PKD2L1: variants seen among roughly 807,000 people sequenced by gnomAD.
PKD2L1 encodes polycystin 2 like 1, transient receptor potential cation channel, also known as polycystin-2-like protein 1.
In PKD2L1, 77 loss-of-function variants were observed where a neutral mutation model predicts 93.0. That is an observed-to-expected ratio of 0.83 (90% CI 0.69 to 1.00). PKD2L1 has a LOEUF of 1.00. Ranked by LOEUF, PKD2L1 falls within the 50% of genes least tolerant of loss-of-function variation. PKD2L1 has a pLI of 0.00. For missense variants in PKD2L1, 977 were observed against 990.9 expected (o/e 0.99, Z 0.19); for synonymous variants, 390 against 388.0 (o/e 1.01, Z -0.06).
chr10:100,288,885 A>G, intron 15 of PKD2L1, 87 bp downstream of exon 15: 1 of 792,040 alleles, frequency 1.3e-6, no homozygotes. Context: ...CTGTTGTCCT[A>G]GAAGTGCAGG....
At chr10:100,321,671 GAAAGAAAGAAAGAA>G (rs1849233021) in intron 2 of PKD2L1, among the ~76,000 whole-genome samples, 7 of 790 alleles carry the variant, frequency 8.9e-3, no homozygotes, top group African/African-American at 0.018. Flanking sequence ...AGAAAAGAAA[GAAAGAAAGAAAGAA>G]AGAAAGAAAG....
intron 2 of PKD2L1, among the ~76,000 whole-genome samples, chr10:100,314,986 GGAAGGAAGGAAGGAAGGAA>G (rs1849046598): frequency 1.4e-4 from 2 of 14,516 alleles, no homozygotes; most frequent in Non-Finnish European, 2.3e-4. Flanking sequence ...AAGGAAGGAA[GGAAGGAAGGAAGGAAGGAA>G]GGAAGGAAGG....
At chr10:100,298,498 C>A in intron 4 of PKD2L1, 64 bp downstream of exon 4, 1 of 1,556,062 alleles carries the variant, frequency 6.4e-7, no homozygotes. Context: ...GGTTCCCAGA[C>A]CTTGGGATGG....
Position 100,293,310 on chromosome 10 carries a change from C to A in PKD2L1, c.1729G>T (p.Glu577Ter). The change falls in exon 10 of 16, where the codon GAG becomes TAG. Residue 577 changes from glutamate to a stop codon, truncating the protein, a stop_gained. Coordinates refer to ENST00000318222, the MANE Select transcript of PKD2L1 (RefSeq NM_016112.3). LOFTEE classifies it high-confidence loss of function. ...VKEELAGQKDELQLSDLLKQG... is the reference protein window; with the variant it reads ...VKEELAGQKD ...TTCAGGAGGTCAGAAAGTTGCAGCT[C>A]ATCCTTCTGTCCAGCCAGCTCCTCC... The A allele has an allele frequency of 6.2e-7, 1 of 1,613,172 alleles. No homozygotes were observed. Among genetic ancestry groups the A allele is most frequent in the Non-Finnish European group, 8.5e-7 (1 of 1,179,104 alleles).
rs1255544031 is a variant in PKD2L1, at chr10:100,293,271, G to A, written c.1758+10C>T. The A allele has an allele frequency of 3.8e-6, 6 of 1,595,762 alleles. No individual in the cohort carries two copies. Among genetic ancestry groups the A allele is most frequent in the Non-Finnish European group, 4.3e-6 (5 of 1,163,322 alleles). On this transcript the variant is annotated intron_variant, in intron 10 of 15. Coordinates refer to ENST00000318222, the MANE Select transcript of PKD2L1 (RefSeq NM_016112.3). ...TGGAAATGTGTAGCTCAAGGAGATT[G>A]AGCAATCACCTGTTTCAGGAGGTCA...
At position 100,288,154 on chromosome 10, in the gene PKD2L1, C is replaced by A; in HGVS notation, c.*242G>T. ...AAGCAAATGCAAAGTCCAAGTTTTC[C>A]TAAGGAGTTTTATTGATAGCCACCA... On this transcript the variant is annotated 3_prime_UTR_variant, in exon 16 of 16. Coordinates refer to ENST00000318222, the MANE Select transcript of PKD2L1 (RefSeq NM_016112.3). 1 of 455,704 alleles carries A rather than the reference C, an allele frequency of 2.2e-6. No homozygotes were observed. The highest frequency in any genetic ancestry group is 3.4e-5 in the South Asian group (1 of 29,500). 28.2% of individuals were successfully genotyped at this position (455,704 alleles called of 1,614,324 possible).
chr10:100,290,502 C>T lies in PKD2L1; in HGVS notation c.2025G>A (p.Glu675=). The T allele has an allele frequency of 6.2e-7, 1 of 1,612,742 alleles. No homozygotes were observed. The highest frequency in any genetic ancestry group is 8.5e-7 in the Non-Finnish European group (1 of 1,179,572). The change falls in exon 13 of 16, where the codon GAG becomes GAA. Residue 675 remains glutamate, a synonymous_variant. Transcript: ENST00000318222. The part of the protein sequence containing the change: ...LEEERVALNT[E]IEKLGRSIVS... Reference sequence around the variant, plus strand: ...CAATAGATCGGCCTAGTTTCTCAATCTCAGTGTTGAGGGCCACCTGCTCAG... The same window carrying T: ...CAATAGATCGGCCTAGTTTCTCAATTTCAGTGTTGAGGGCCACCTGCTCAG...
chr10:100,301,463 C>CG (rs1491223984), intron 2 of PKD2L1, among the ~76,000 whole-genome samples: 1 of 150,774 alleles, frequency 6.6e-6, no homozygotes, highest in East Asian at 2.0e-4. Flanking sequence ...GGCCCCCCCC[C>CG]CGGGAATGCA....
At chr10:100,308,546 G>C (rs1041428272) in intron 2 of PKD2L1, among the ~76,000 whole-genome samples, 1 of 152,052 alleles carries the variant, frequency 6.6e-6, no homozygotes, top group Non-Finnish European at 1.5e-5. Flanking sequence ...TGTTGACCAG[G>C]CTAGTCTCGA....
At chr10:100,291,674 T>A (rs899819240) in intron 11 of PKD2L1, among the ~76,000 whole-genome samples, 2 of 152,188 alleles carry the variant, frequency 1.3e-5, no homozygotes, top group Non-Finnish European at 2.9e-5. Context: ...AAAATCTGTT[T>A]GCCTCTAAAT....
At chr10:100,308,171 G>T (rs1229617791) in intron 2 of PKD2L1, among the ~76,000 whole-genome samples, 1 of 151,664 alleles carries the variant, frequency 6.6e-6, no homozygotes, top group Non-Finnish European at 1.5e-5. Context: ...TCTTAATCTT[G>T]TTCTCAGATC....
Position 100,288,408 on chromosome 10 carries a change from C to A in PKD2L1, c.2406G>T (p.Leu802Phe). ...GAGTGCCTCACACTTAACTCCTCTGCAACGTTGGAATCTCACCACGGGAGA... is the reference window on the plus strand; with the variant it reads ...GAGTGCCTCACACTTAACTCCTCTGAAACGTTGGAATCTCACCACGGGAGA... ...RRLSRGEIPT[L>F]QRS Residue 802 changes from leucine (L) to phenylalanine (F), a missense_variant, in exon 16 of 16, where the codon TTG becomes TTT. Transcript: ENST00000318222. 3.1e-6 allele frequency: 5 copies of A among 1,610,034 alleles called. No individual in the cohort carries two copies. Among genetic ancestry groups the A allele is most frequent in the Non-Finnish European group, 4.3e-6 (5 of 1,176,254 alleles).
Position 100,299,731 on chromosome 10 carries a change from C to T in PKD2L1, c.350-13G>A, listed in dbSNP as rs1848637271. 1.2e-6 allele frequency: 2 copies of T among 1,612,740 alleles called. No homozygotes were observed. Among genetic ancestry groups the T allele is most frequent in the African/African-American group, 1.3e-5 (1 of 74,894 alleles). On this transcript the variant is annotated splice_polypyrimidine_tract_variant and intron_variant, in intron 2 of 15. Coordinates refer to ENST00000318222, the MANE Select transcript of PKD2L1 (RefSeq NM_016112.3). ...ATTCCATAGGTCACTAGAAAACAAC[C>T]CAAGAGGCTATGTCCTTCTCACTGT...
chr10:100,301,465 G>A (rs767926738), intron 2 of PKD2L1, among the ~76,000 whole-genome samples: 4 of 102,654 alleles, frequency 3.9e-5, no homozygotes, highest in East Asian at 3.8e-4. Context: ...CCCCCCCCCC[G>A]GGAATGCATT....
intron 14 of PKD2L1, 91 bp from the exon 15 acceptor site, chr10:100,289,147 T>C: frequency 1.2e-6 from 1 of 835,946 alleles, no homozygotes; most frequent in Non-Finnish European, 1.9e-6. Flanking sequence ...GAACTCAGAC[T>C]GCTATAGACT....
At chr10:100,305,941 G>C (rs974486410) in intron 2 of PKD2L1, among the ~76,000 whole-genome samples, 5 of 152,084 alleles carry the variant, frequency 3.3e-5, no homozygotes, top group Admixed American at 2.0e-4. Flanking sequence ...CCAGCACTTT[G>C]AGAGGCTGAT....
intron 2 of PKD2L1, among the ~76,000 whole-genome samples, chr10:100,302,696 A>C (rs200334162): frequency 0.31 from 47,327 of 150,682 alleles, 8,883 homozygotes; most frequent in East Asian, 0.51. Context: ...TGTCCCCCAA[A>C]AAAAAAAAAA....
At chr10:100,288,589 C>G (rs905833401) in intron 15 of PKD2L1, 111 bp from the exon 16 acceptor site, 3 of 712,748 alleles carry the variant, frequency 4.2e-6, no homozygotes, top group Admixed American at 2.2e-5. Flanking sequence ...ACCGCCTACT[C>G]TCTTGGTTTC....
intron 2 of PKD2L1, among the ~76,000 whole-genome samples, chr10:100,310,768 G>A (rs1413848502): frequency 6.6e-6 from 1 of 152,120 alleles, no homozygotes; most frequent in African/African-American, 2.4e-5. Flanking sequence ...GGAGTGCAGT[G>A]GCGCAATCTC....
Sources: allele counts gnomAD v4.1 joint callset (sites outside exome capture counted in the v4.1 genomes callset), GRCh38; gene constraint gnomAD v4.1.1; transcripts MANE v1.5; gene names NCBI Gene and HGNC (gene_info 2026-07-23, HGNC 2026-07-21).